Variants in NRXN1 observed in about 807,000 individuals in gnomAD.
NRXN1 encodes neurexin-1.
Under a neutral mutation model 150.9 loss-of-function variants are expected in NRXN1, and 39 were observed. The ratio of observed to expected loss-of-function variants is 0.26; its 90% confidence interval spans 0.20 to 0.34. The LOEUF (loss-of-function observed/expected upper bound fraction) is 0.34, where lower values mean the gene tolerates loss of function less well. Among genes scored for constraint, NRXN1 ranks in the 10% least tolerant of loss-of-function variants. The pLI, the probability that NRXN1 is intolerant of heterozygous loss-of-function variation, is 1.00. For missense variants in NRXN1, 1,815 were observed against 1,949.9 expected (o/e 0.93, Z 1.30); for synonymous variants, 924 against 757.0 (o/e 1.22, Z -3.62).
intron 19 of NRXN1, among the ~76,000 whole-genome samples, chr2:50,061,747 A>G (rs1694569235): frequency 6.6e-6 from 1 of 152,222 alleles, no homozygotes; most frequent in Non-Finnish European, 1.5e-5. Flanking sequence ...CCATGATAAA[A>G]GCAAGATAGG....
At chr2:50,037,676 A>G (rs1324331786) in intron 21 of NRXN1, among the ~76,000 whole-genome samples, 3 of 152,210 alleles carry the variant, frequency 2.0e-5, no homozygotes, top group Non-Finnish European at 4.4e-5. Context: ...CTCAGCTCTT[A>G]TCAACCACAG....
chr2:50,495,383 GTGTGTGT>G (rs2091523965), intron 15 of NRXN1, among the ~76,000 whole-genome samples: 12 of 123,830 alleles, frequency 9.7e-5, no homozygotes, highest in African/African-American at 3.7e-4. Flanking sequence ...TGTGTGTGGT[GTGTGTGT>G]GTGTGTGTGT....
At chr2:50,478,069 C>T (rs552355399) in intron 15 of NRXN1, among the ~76,000 whole-genome samples, 99 of 152,198 alleles carry the variant, frequency 6.5e-4, no homozygotes, top group African/African-American at 2.3e-3. Context: ...ATTGCACACA[C>T]ATAAAGGAAT....
chr2:50,516,100 A>G (rs1259069437), intron 12 of NRXN1, among the ~76,000 whole-genome samples: 1 of 152,220 alleles, frequency 6.6e-6, no homozygotes, highest in South Asian at 2.1e-4. Context: ...CACAAGAATC[A>G]GCTAGAACAT....
chr2:49,934,265 T>C (rs1452754076), intron 22 of NRXN1, among the ~76,000 whole-genome samples: 1 of 152,130 alleles, frequency 6.6e-6, no homozygotes, highest in Admixed American at 6.5e-5. Context: ...AAGTCAATTT[T>C]CCCCCACTTC....
intron 17 of NRXN1, among the ~76,000 whole-genome samples, chr2:50,290,901 C>T (rs1414854848): frequency 6.6e-6 from 1 of 152,090 alleles, no homozygotes; most frequent in Non-Finnish European, 1.5e-5. Flanking sequence ...TCGTCAAATG[C>T]GACTGGCAAA....
chr2:50,658,227 T>A (rs1408155502), intron 5 of NRXN1, among the ~76,000 whole-genome samples: 2 of 151,954 alleles, frequency 1.3e-5, no homozygotes, highest in African/African-American at 4.8e-5. Flanking sequence ...TCACACTTTG[T>A]CCATCTGATA....
At chr2:49,990,747 T>A (rs1473710740) in intron 21 of NRXN1, among the ~76,000 whole-genome samples, 1 of 152,200 alleles carries the variant, frequency 6.6e-6, no homozygotes. Flanking sequence ...ATTCATCATG[T>A]TATTCCTAAT....
intron 21 of NRXN1, among the ~76,000 whole-genome samples, chr2:50,029,281 T>G (rs770039841): frequency 2.0e-5 from 3 of 152,124 alleles, no homozygotes; most frequent in Non-Finnish European, 4.4e-5. Flanking sequence ...GAGAAATAAA[T>G]GTATGTTGTT....
chr2:50,527,692 G>A (rs1462727635), intron 12 of NRXN1, among the ~76,000 whole-genome samples: 1 of 152,112 alleles, frequency 6.6e-6, no homozygotes, highest in Non-Finnish European at 1.5e-5. Flanking sequence ...TTGTTCCTCA[G>A]AGGATGCCTT....
chr2:50,266,859 C>T (rs976163585), intron 17 of NRXN1, among the ~76,000 whole-genome samples: 1 of 152,134 alleles, frequency 6.6e-6, no homozygotes, highest in Non-Finnish European at 1.5e-5. Flanking sequence ...ACTCCATTCA[C>T]CTATGTCAAA....
At chr2:50,960,508 G>T (rs545378788) in intron 2 of NRXN1, among the ~76,000 whole-genome samples, 27 of 152,004 alleles carry the variant, frequency 1.8e-4, no homozygotes, top group African/African-American at 6.3e-4. Context: ...TAAGCACTGT[G>T]GTAAACCCCA....
At chr2:50,193,177 A>C (rs1242765648) in intron 18 of NRXN1, among the ~76,000 whole-genome samples, 1 of 152,176 alleles carries the variant, frequency 6.6e-6, no homozygotes. Flanking sequence ...AAATAATTCC[A>C]TTTTTGATGA....
chr2:50,442,309 T>C (rs1210816721), intron 17 of NRXN1, among the ~76,000 whole-genome samples: 1 of 152,068 alleles, frequency 6.6e-6, no homozygotes, highest in East Asian at 1.9e-4. Flanking sequence ...GGTCTATATA[T>C]ATGAAATATT....
At chr2:50,056,819 A>C (rs1693717050) in intron 19 of NRXN1, among the ~76,000 whole-genome samples, 1 of 152,160 alleles carries the variant, frequency 6.6e-6, no homozygotes. Context: ...AATATTTTCA[A>C]AAATACATAC....
At chr2:50,078,852 T>G (rs1462407773) in intron 19 of NRXN1, among the ~76,000 whole-genome samples, 3 of 152,102 alleles carry the variant, frequency 2.0e-5, no homozygotes, top group Non-Finnish European at 4.4e-5. Context: ...TGAGTTTTTC[T>G]GAAGAAAGTT....
intron 8 of NRXN1, among the ~76,000 whole-genome samples, chr2:50,555,632 T>C (rs1668123449): frequency 6.6e-6 from 1 of 152,194 alleles, no homozygotes; most frequent in African/African-American, 2.4e-5. Context: ...CAATAAATAT[T>C]TGTTTATAGT....
chr2:50,912,149 T>A (rs1684614564), intron 5 of NRXN1: 1 of 151,860 alleles, frequency 6.6e-6, no homozygotes, highest in South Asian at 2.1e-4. Context: ...AGGTCAAAGG[T>A]CAAATCAATG....
chr2:50,710,153 G>A (rs1167124122), intron 5 of NRXN1, among the ~76,000 whole-genome samples: 1 of 152,170 alleles, frequency 6.6e-6, no homozygotes, highest in African/African-American at 2.4e-5. Flanking sequence ...GCTTTCAAAG[G>A]AGCTGCAGAC....
Sources: allele counts gnomAD v4.1 joint callset (sites outside exome capture counted in the v4.1 genomes callset), GRCh38; gene constraint gnomAD v4.1.1; transcripts MANE v1.5; gene names NCBI Gene and HGNC (gene_info 2026-07-23, HGNC 2026-07-21).